The following GATA3 variants were observed in gnomAD, a reference collection of about 807,000 sequenced individuals.
GATA3 encodes trans-acting T-cell-specific transcription factor GATA-3.
GATA3 carries 6 observed loss-of-function variants against 36.0 expected under a neutral mutation model. That is an observed-to-expected ratio of 0.17 (90% confidence interval 0.09 to 0.33). The LOEUF is 0.33. GATA3 is among the 10% of genes least tolerant of loss of function. The probability of loss-of-function intolerance (pLI) is 1.00; values close to 1 mark genes in which losing one functional copy is unlikely to be tolerated. For missense variants in GATA3, 514 were observed against 610.1 expected, an observed-to-expected ratio of 0.84 and a Z score of 1.66; for synonymous variants, 326 against 273.0, an observed-to-expected ratio of 1.19 and a Z score of -1.92.
At chr10:8,063,699 G>T (rs528960239) in intron 3 of GATA3, among the ~76,000 whole-genome samples, 1 of 152,266 alleles carries the variant, frequency 6.6e-6, no homozygotes, top group East Asian at 1.9e-4. Flanking sequence ...CCTTGGTCCT[G>T]CCCGATCTTC....
At chr10:8,065,769 C>T (rs921866734) in intron 4 of GATA3, among the ~76,000 whole-genome samples, 6 of 130,354 alleles carry the variant, frequency 4.6e-5, no homozygotes, top group South Asian at 2.5e-4. Context: ...AAAAAGCTGC[C>T]GGATATCTGA....
chr10:8,060,800 T>C (rs1167572641), intron 3 of GATA3, among the ~76,000 whole-genome samples: 2 of 152,208 alleles, frequency 1.3e-5, no homozygotes, highest in Non-Finnish European at 2.9e-5. Context: ...GTGGTTTCCC[T>C]AAGCCAGAGC....
upstream of GATA3, among the ~76,000 whole-genome samples, chr10:8,052,062 G>A (rs1163631749): frequency 3.9e-5 from 6 of 152,184 alleles, no homozygotes; most frequent in Non-Finnish European, 7.3e-5. Flanking sequence ...ACTGGCCGGC[G>A]CGGGCCATCA....
chr10:8,057,695 G>A (rs1832664291), intron 2 of GATA3, among the ~76,000 whole-genome samples: 1 of 152,124 alleles, frequency 6.6e-6, no homozygotes, highest in Non-Finnish European at 1.5e-5. Context: ...GCAAGCACTG[G>A]GTTAGGTTTC....
At chr10:8,061,593 A>G (rs1832749915) in intron 3 of GATA3, among the ~76,000 whole-genome samples, 1 of 152,194 alleles carries the variant, frequency 6.6e-6, no homozygotes, top group South Asian at 2.1e-4. Context: ...GAAGTGACAG[A>G]CCAGAGGCAG....
intron 1 of GATA3, among the ~76,000 whole-genome samples, chr10:8,046,149 G>A (rs1366161161): frequency 6.6e-6 from 1 of 152,178 alleles, no homozygotes; most frequent in South Asian, 2.1e-4. Context: ...AAGCGGAAGG[G>A]GCAGAGAGGA....
chr10:8,060,248 G>A (rs1476094675), intron 3 of GATA3, among the ~76,000 whole-genome samples: 3 of 152,230 alleles, frequency 2.0e-5, no homozygotes, highest in Non-Finnish European at 2.9e-5. Context: ...AATAGAGTCC[G>A]GATGCGGTTA....
chr10:8,050,278 T>C (rs1588367096), upstream of GATA3, among the ~76,000 whole-genome samples: 3 of 152,306 alleles, frequency 2.0e-5, no homozygotes, highest in Middle Eastern at 6.8e-3. Context: ...TCTATTAAAA[T>C]GGAGACACCC....
At position 8,074,034 on chromosome 10, in the gene GATA3, G is replaced by C. The variant is rs750390835; in HGVS notation, c.*11G>C. 6 of 1,613,546 alleles carry C rather than the reference G, an allele frequency of 3.7e-6. No individual in the cohort carries two copies. Among genetic ancestry groups the C allele is most frequent in the Non-Finnish European group, 4.2e-6 (5 of 1,179,702 alleles). ...ACCGCCATGGGTTAGAGCCCTGCTC[G>C]ATGCTCACAGGGCCCCCAGCGAGAG... On this transcript the variant is annotated 3_prime_UTR_variant, in exon 6 of 6. Transcript: ENST00000379328.
In GATA3 at chr10:8,075,041, G is replaced by C. The variant is rs1002378642; in HGVS notation, c.*1018G>C. 2 of 233,122 alleles carry C rather than the reference G, an allele frequency of 8.6e-6. No individual in the cohort carries two copies. The highest frequency in any genetic ancestry group is 4.4e-5 in the African/African-American group (2 of 45,344). 14.4% of individuals were successfully genotyped at this position (233,122 alleles called of 1,614,324 possible). A position where few individuals can be genotyped will look rare whatever the true frequency, so the allele number is the denominator to read the frequency against. On this transcript the variant is annotated 3_prime_UTR_variant, in exon 6 of 6. Transcript: ENST00000379328. The stretch of plus-strand genomic sequence containing the variant: ...GGGTAGCAGTGTATGAGCTACCAGC[G>C]TGCATGTCAGCGACCCTGGCCCGAC...
intron 2 of GATA3, among the ~76,000 whole-genome samples, chr10:8,056,538 G>C (rs1310894419): frequency 6.6e-6 from 1 of 151,908 alleles, no homozygotes; most frequent in Non-Finnish European, 1.5e-5. Flanking sequence ...ATGCTGAAGG[G>C]GTTTGGGGGG....
intron 1 of GATA3, among the ~76,000 whole-genome samples, chr10:8,048,335 C>G (rs574105222): frequency 6.6e-6 from 1 of 152,180 alleles, no homozygotes. Flanking sequence ...CCACCTCACC[C>G]GGCAATGCTA....
chr10:8,053,853 T>G (rs1040046356), upstream of GATA3: 7 of 152,246 alleles, frequency 4.6e-5, no homozygotes, highest in African/African-American at 1.7e-4. This position sits in a 1 kb window ranked among gnomAD's most constrained non-coding sequence, Gnocchi z 5.1. Flanking sequence ...TCTGTCCGTC[T>G]ACACTGAGCG....
chr10:8,072,438 G>C (rs1471648546), intron 5 of GATA3, among the ~76,000 whole-genome samples: 1 of 152,214 alleles, frequency 6.6e-6, no homozygotes, highest in Admixed American at 6.5e-5. Flanking sequence ...GCCAGATGTG[G>C]AGTTTGCTCT....
chr10:8,072,413 T>TC (rs1198758191), intron 5 of GATA3, among the ~76,000 whole-genome samples: 3 of 152,180 alleles, frequency 2.0e-5, no homozygotes, highest in Non-Finnish European at 2.9e-5. Context: ...TTTGCCACCC[T>TC]CCCCTGGGAA....
At chr10:8,064,255 C>A in intron 4 of GATA3, 117 bp downstream of exon 4, 2 of 1,165,770 alleles carry the variant, frequency 1.7e-6, no homozygotes, top group Non-Finnish European at 2.5e-6. Flanking sequence ...ATCGTGTCAG[C>A]TGGCTTGGGA....
exon 1 of GATA3, chr10:8,045,501 G>A (rs1315944204): frequency 6.6e-6 from 1 of 152,326 alleles, no homozygotes; most frequent in Non-Finnish European, 1.5e-5. Flanking sequence ...TGGCCCTCGG[G>A]AGCGAGCTGC....
chr10:8,047,185 A>C (rs976766565), intron 1 of GATA3, among the ~76,000 whole-genome samples: 2 of 152,228 alleles, frequency 1.3e-5, no homozygotes, highest in Non-Finnish European at 2.9e-5. Context: ...TGGGTTGTCC[A>C]GTTGCCCTGG....
chr10:8,065,103 C>T (rs768742758), intron 4 of GATA3, among the ~76,000 whole-genome samples: 2 of 152,080 alleles, frequency 1.3e-5, no homozygotes, highest in Non-Finnish European at 2.9e-5. Flanking sequence ...TTTCCCCACG[C>T]AGATTAATGG....
Sources: gnomAD v4.1 joint callset for allele counts (sites outside exome capture counted in the v4.1 genomes callset) on GRCh38, gnomAD v4.1.1 for gene constraint, Gnocchi (gnomAD v3.1) non-coding constraint, MANE v1.5 for transcripts, NCBI Gene and HGNC (gene_info 2026-07-23, HGNC 2026-07-21) for gene names.